The following CPSF3 variants were observed in gnomAD, a reference collection of about 807,000 sequenced individuals.
CPSF3 encodes the protein cleavage and polyadenylation specificity factor subunit 3.
Under a neutral mutation model 84.1 loss-of-function variants are expected in CPSF3, and 57 were observed. The observed-to-expected ratio is 0.68, with a 90% confidence interval of 0.55 to 0.85. The LOEUF (loss-of-function observed/expected upper bound fraction) is 0.85. Among genes scored for constraint, CPSF3 ranks in the 40% least tolerant of loss-of-function variants. The pLI, the probability that CPSF3 is intolerant of heterozygous loss-of-function variation, is 0.00. For synonymous variants in CPSF3, 275 were observed against 278.1 expected, an observed-to-expected ratio of 0.99 and a Z score of 0.11; for missense variants, 522 against 838.8, an observed-to-expected ratio of 0.62 and a Z score of 4.66.
At chr2:9,424,898 C>T (rs1355643552) in intron 1 of CPSF3, 2 of 152,188 alleles carry the variant, frequency 1.3e-5, no homozygotes, top group Non-Finnish European at 2.9e-5. Context: ...AGTAGGACAA[C>T]AATCTCACTG....
intron 15 of CPSF3, among the ~76,000 whole-genome samples, chr2:9,460,945 C>T (rs908041949): frequency 6.6e-5 from 10 of 152,136 alleles, no homozygotes; most frequent in African/African-American, 2.4e-4. Flanking sequence ...ATCCTGGACT[C>T]TCAGAGAATA....
At chr2:9,457,863 C>G (rs1681585740) in intron 14 of CPSF3, among the ~76,000 whole-genome samples, 1 of 152,008 alleles carries the variant, frequency 6.6e-6, no homozygotes, top group Non-Finnish European at 1.5e-5. Flanking sequence ...AACGATTCTT[C>G]TGCCTCAGCC....
chr2:9,440,414 C>A, intron 7 of CPSF3, 77 bp from the exon 8 acceptor site: 1 of 1,047,844 alleles, frequency 9.5e-7, no homozygotes, highest in Admixed American at 2.0e-5. Flanking sequence ...ATTTCTTGTT[C>A]TGTGTGTATC....
intron 15 of CPSF3, among the ~76,000 whole-genome samples, chr2:9,466,342 G>GCCCA (rs1553348589): frequency 2.2e-5 from 2 of 89,080 alleles, no homozygotes; most frequent in African/African-American, 3.4e-5. Context: ...ACGCACACAC[G>GCCCA]CGCGCGCGCG....
At chr2:9,469,828 G>A (rs752025560) in intron 16 of CPSF3, among the ~76,000 whole-genome samples, 7 of 152,218 alleles carry the variant, frequency 4.6e-5, no homozygotes, top group Non-Finnish European at 8.8e-5. Flanking sequence ...GATAGGAGTA[G>A]ATGTATTGGT....
chr2:9,433,732 A>C, intron 5 of CPSF3, 139 bp from the exon 6 acceptor site: 1 of 628,944 alleles, frequency 1.6e-6, no homozygotes, highest in Non-Finnish European at 2.9e-6. Context: ...TGAATTGGAC[A>C]CAAGCACTGC....
intron 11 of CPSF3, among the ~76,000 whole-genome samples, chr2:9,450,414 C>G (rs1020605132): frequency 6.6e-5 from 10 of 151,900 alleles, no homozygotes; most frequent in African/African-American, 2.4e-4. Flanking sequence ...CTTGGCCTCC[C>G]AAAGTGCTGG....
At chr2:9,434,653 A>G (rs1012497147) in intron 6 of CPSF3, among the ~76,000 whole-genome samples, 5 of 152,194 alleles carry the variant, frequency 3.3e-5, no homozygotes, top group Non-Finnish European at 7.3e-5. Flanking sequence ...CCCTTAGTCC[A>G]TGCTAACTTA....
rs1572779889 is a variant in CPSF3 at position 9,442,037 on chromosome 2, C to T, written c.1095+61C>T. 4.5e-6 allele frequency: 7 copies of T among 1,552,794 alleles called. No homozygotes were observed. In the East Asian group the frequency reaches 1.6e-4, roughly 35 times the overall value. ...TTCAGAATCACGGAGGTGGCACGGT[C>T]CTCACAGGTTTTTGCACTGAAGTAG... On this transcript the variant is annotated intron_variant, in intron 9 of 17. Coordinates refer to ENST00000238112, the MANE Select transcript of CPSF3 (RefSeq NM_016207.4).
chr2:9,423,857 G>A (rs1027754865), intron 1 of CPSF3, 34 bp downstream of exon 1: 1 of 1,607,628 alleles, frequency 6.2e-7, no homozygotes, highest in Non-Finnish European at 8.5e-7. Context: ...ATGAAGCCAC[G>A]GGCTGTGAGG....
intron 3 of CPSF3, among the ~76,000 whole-genome samples, chr2:9,430,436 A>G (rs1680546821): frequency 6.6e-6 from 1 of 152,206 alleles, no homozygotes; most frequent in Admixed American, 6.5e-5. Flanking sequence ...GGAGATATCC[A>G]TGTTTCAACT....
chr2:9,456,620 A>G (rs929847317), intron 13 of CPSF3, among the ~76,000 whole-genome samples: 7 of 152,228 alleles, frequency 4.6e-5, no homozygotes, highest in Admixed American at 2.0e-4. Flanking sequence ...GACAAATTTT[A>G]TGTTATATGT....
intron 15 of CPSF3, among the ~76,000 whole-genome samples, chr2:9,465,826 T>G (rs930072051): frequency 2.0e-5 from 3 of 152,196 alleles, no homozygotes; most frequent in African/African-American, 7.2e-5. Flanking sequence ...AAGTGAAGTC[T>G]GTTATGAACA....
chr2:9,466,260 A>ACG (rs1231006168), intron 15 of CPSF3, among the ~76,000 whole-genome samples: 5 of 118,336 alleles, frequency 4.2e-5, no homozygotes, highest in African/African-American at 1.6e-4. Context: ...GCACACACGC[A>ACG]CACAAAGACG....
chr2:9,442,242 G>C (rs948300133), intron 9 of CPSF3, among the ~76,000 whole-genome samples: 1 of 152,120 alleles, frequency 6.6e-6, no homozygotes, highest in Admixed American at 6.5e-5. Flanking sequence ...GAATGGACAG[G>C]AACCTGTTTG....
chr2:9,457,173 G>GTGTA, intron 14 of CPSF3, 146 bp downstream of exon 14: 1 of 474,056 alleles, frequency 2.1e-6, no homozygotes, highest in Admixed American at 3.8e-5. Context: ...GTGTGTGTGT[G>GTGTA]TGTGTGTGTG....
intron 10 of CPSF3, among the ~76,000 whole-genome samples, chr2:9,445,676 G>T (rs1339572296): frequency 6.6e-6 from 1 of 152,164 alleles, no homozygotes; most frequent in Non-Finnish European, 1.5e-5. Flanking sequence ...TTCCAAGCCA[G>T]GGAGGAAAAG....
chr2:9,436,107 T>C, intron 6 of CPSF3, 104 bp from the exon 7 acceptor site: 2 of 913,352 alleles, frequency 2.2e-6, no homozygotes, highest in Non-Finnish European at 3.3e-6. Flanking sequence ...GACATGCTAA[T>C]GGAGAAGTGA....
chr2:9,460,933 A>G (rs1681708755), intron 15 of CPSF3, among the ~76,000 whole-genome samples: 1 of 152,188 alleles, frequency 6.6e-6, no homozygotes, highest in South Asian at 2.1e-4. Flanking sequence ...ACACACCATT[A>G]GATCCTGGAC....
Sources: gnomAD v4.1 joint callset for allele counts (sites outside exome capture counted in the v4.1 genomes callset) on GRCh38, gnomAD v4.1.1 for gene constraint, MANE v1.5 for transcripts, NCBI Gene and HGNC (gene_info 2026-07-23, HGNC 2026-07-21) for gene names.